Variants in MTMR3 observed in about 807,000 individuals in gnomAD.
MTMR3 encodes phosphatidylinositol-3,5-bisphosphate 3-phosphatase MTMR3.
Under a neutral mutation model 132.4 loss-of-function variants are expected in MTMR3, and 32 were observed. That is an observed-to-expected ratio of 0.24 (90% confidence interval 0.18 to 0.32). The LOEUF (loss-of-function observed/expected upper bound fraction) is 0.32, where lower values mean the gene tolerates loss of function less well. MTMR3 is among the 10% of genes least tolerant of loss of function. MTMR3 has a pLI of 1.00. For missense variants in MTMR3, 1,216 were observed against 1,489.6 expected, an observed-to-expected ratio of 0.82 and a Z score of 3.02; for synonymous variants, 556 against 550.3, an observed-to-expected ratio of 1.01 and a Z score of -0.14.
intron 1 of MTMR3, among the ~76,000 whole-genome samples, chr22:29,906,326 A>G (rs373458392): frequency 0.048 from 6,980 of 144,796 alleles, 553 homozygotes; most frequent in African/African-American, 0.17. Flanking sequence ...CTATCTATCT[A>G]TCTATCTGTC....
At chr22:29,896,900 C>T (rs887310427) in intron 1 of MTMR3, among the ~76,000 whole-genome samples, 3 of 150,482 alleles carry the variant, frequency 2.0e-5, no homozygotes, top group African/African-American at 7.3e-5. Context: ...CACACACACA[C>T]ACATACACAC....
At position 30,007,309 on chromosome 22, in the gene MTMR3, CGTG is replaced by C. The variant is rs750960176; in HGVS notation, c.869_871del (p.Val290del). 3.7e-6 allele frequency: 6 copies of C among 1,614,024 alleles called. No homozygotes were observed. The highest frequency in any genetic ancestry group is 5.1e-6 in the Non-Finnish European group (6 of 1,179,996). Reference sequence around the variant, plus strand: ...TTCCCAATGGGGGAGACCTTTCTGACGTGGAGTTCGGTAAGGTGCTCCCTGGAC... The same window carrying C: ...TTCCCAATGGGGGAGACCTTTCTGACGAGTTCGGTAAGGTGCTCCCTGGAC... On this transcript the variant is annotated inframe_deletion, in exon 10 of 20. Transcript: ENST00000401950.
At chr22:29,897,132 T>A (rs1270097843) in intron 1 of MTMR3, among the ~76,000 whole-genome samples, 2 of 151,376 alleles carry the variant, frequency 1.3e-5, no homozygotes, top group Non-Finnish European at 2.9e-5. Flanking sequence ...CAGGCTGGAG[T>A]GCAGTGGTGG....
chr22:29,985,587 T>G (rs1022564932), intron 5 of MTMR3: 1 of 152,092 alleles, frequency 6.6e-6, no homozygotes, highest in African/African-American at 2.4e-5. Flanking sequence ...AAAAGGGAGA[T>G]ATTTGTTATA....
chr22:29,916,563 C>T (rs958966370), intron 1 of MTMR3, among the ~76,000 whole-genome samples: 1 of 16,672 alleles, frequency 6.0e-5, no homozygotes, highest in African/African-American at 4.5e-4. Context: ...GATCACAGTT[C>T]GGTGCTATTG....
chr22:29,970,951 T>TCCCCCCCC, intron 2 of MTMR3, 25 bp from the exon 3 acceptor site: 1 of 680,378 alleles, frequency 1.5e-6, no homozygotes, highest in Non-Finnish European at 2.3e-6. Flanking sequence ...TTTTTCTTCT[T>TCCCCCCCC]CCCCCTCTTC....
intron 1 of MTMR3, among the ~76,000 whole-genome samples, chr22:29,886,269 G>C (rs2064675009): frequency 6.6e-6 from 1 of 152,198 alleles, no homozygotes; most frequent in Non-Finnish European, 1.5e-5. Flanking sequence ...CCAGCTTTCA[G>C]TGCTTATTGT....
At chr22:29,892,190 T>C (rs2064813655) in intron 1 of MTMR3, among the ~76,000 whole-genome samples, 1 of 152,094 alleles carries the variant, frequency 6.6e-6, no homozygotes, top group Non-Finnish European at 1.5e-5. Flanking sequence ...GAGAGTCGTA[T>C]CTGCAATAAG....
intron 1 of MTMR3, among the ~76,000 whole-genome samples, chr22:29,901,112 G>A (rs1797429774): frequency 6.6e-6 from 1 of 152,038 alleles, no homozygotes; most frequent in Admixed American, 6.6e-5. Flanking sequence ...TTGGTATTTT[G>A]AACCAAAATT....
chr22:29,883,718 G>C (rs1276643802), intron 1 of MTMR3, among the ~76,000 whole-genome samples: 2 of 152,178 alleles, frequency 1.3e-5, no homozygotes, highest in African/African-American at 2.4e-5. Context: ...TTATTCCCAC[G>C]AACTCCCGGG....
At chr22:29,961,415 G>T (rs181935739) in intron 2 of MTMR3, among the ~76,000 whole-genome samples, 1 of 152,016 alleles carries the variant, frequency 6.6e-6, no homozygotes, top group Non-Finnish European at 1.5e-5. Flanking sequence ...ACATAGGAGG[G>T]ATTTGTTATA....
chr22:30,025,943 C>T lies in MTMR3; in HGVS notation c.*142C>T, dbSNP rs773875152. The T allele has an allele frequency of 2.8e-5, 22 of 772,116 alleles. No individual in the cohort carries two copies. The highest frequency in any genetic ancestry group is 3.8e-5 in the Non-Finnish European group (18 of 479,644). The allele number at this position is 772,116 out of a possible 1,614,324, so 47.8% of individuals were successfully genotyped here. A position where few individuals can be genotyped will look rare whatever the true frequency, so the allele number is the denominator to read the frequency against. The stretch of plus-strand genomic sequence containing the variant: ...AGAGTGACAGATTTGGGATGCACCA[C>T]TGGATTGTAGATTGATTTTTCTTTC... On this transcript the variant is annotated 3_prime_UTR_variant, in exon 20 of 20. Coordinates refer to ENST00000401950, the MANE Select transcript of MTMR3 (RefSeq NM_021090.4).
chr22:30,014,451 T>C (rs9614131), intron 14 of MTMR3: 23,399 of 151,590 alleles, frequency 0.15, 1,905 homozygotes, highest in South Asian at 0.24. Context: ...TCCTTTTACC[T>C]TACTGGATTG....
At chr22:29,887,065 C>G (rs1177625127) in intron 1 of MTMR3, among the ~76,000 whole-genome samples, 1 of 152,146 alleles carries the variant, frequency 6.6e-6, no homozygotes, top group Non-Finnish European at 1.5e-5. Context: ...ATTAACATGT[C>G]ATTGCTATTT....
intron 2 of MTMR3, among the ~76,000 whole-genome samples, chr22:29,965,968 T>G (rs2066407386): frequency 6.6e-6 from 1 of 151,752 alleles, no homozygotes; most frequent in African/African-American, 2.4e-5. Flanking sequence ...TTTAAATTAA[T>G]TCTTCAATAA....
At chr22:29,960,143 A>T (rs190988147) in intron 2 of MTMR3, among the ~76,000 whole-genome samples, 12 of 152,246 alleles carry the variant, frequency 7.9e-5, no homozygotes, top group Non-Finnish European at 1.3e-4. Flanking sequence ...GCCAGGAAAC[A>T]TACTGTTTAA....
chr22:29,935,742 C>CTTTT (rs35840801), intron 1 of MTMR3, among the ~76,000 whole-genome samples: 4 of 125,864 alleles, frequency 3.2e-5, no homozygotes, highest in African/African-American at 6.0e-5. Flanking sequence ...TCCATGCCCA[C>CTTTT]TTTTTTTTTT....
At chr22:29,952,322 T>G (rs1345413845) in intron 1 of MTMR3, among the ~76,000 whole-genome samples, 2 of 152,040 alleles carry the variant, frequency 1.3e-5, no homozygotes, top group Non-Finnish European at 2.9e-5. Flanking sequence ...ATGCTGATCA[T>G]GAAGTTGCAT....
rs1053393542 is a variant in MTMR3 at position 30,008,117 on chromosome 22, A to G, written c.1009+85A>G. On this transcript the variant is annotated intron_variant, in intron 11 of 19. Coordinates refer to ENST00000401950, the MANE Select transcript of MTMR3 (RefSeq NM_021090.4). ...ACTGAGACTTAGTTCCCAATTTGAA[A>G]TAAGTGGCAAGCCATATTCCTCATC... is the stretch of plus-strand genomic sequence containing the variant. 3.9e-6 allele frequency: 6 copies of G among 1,539,960 alleles called. No individual in the cohort carries two copies. The African/African-American group carries it at 5.5e-5, about 14-fold the overall frequency.
Sources: gnomAD v4.1 joint callset for allele counts (sites outside exome capture counted in the v4.1 genomes callset) on GRCh38, gnomAD v4.1.1 for gene constraint, MANE v1.5 for transcripts, NCBI Gene and HGNC (gene_info 2026-07-23, HGNC 2026-07-21) for gene names.